The following SHANK2 variants were observed in gnomAD, a reference collection of about 807,000 sequenced individuals.
The protein encoded by SHANK2 is SH3 and multiple ankyrin repeat domains protein 2.
A neutral mutation model predicts 133.7 loss-of-function variants in SHANK2; 43 were observed. That is an observed-to-expected ratio of 0.32 (90% CI 0.25 to 0.41). The LOEUF is 0.41. Ranked by LOEUF, SHANK2 falls within the 10% of genes least tolerant of loss-of-function variation. The pLI is 1.00. For synonymous variants in SHANK2, 1,017 were observed against 952.8 expected (o/e 1.07, Z -1.24); for missense variants, 1,994 against 2,235.8 (o/e 0.89, Z 2.18).
chr11:70,791,287 G>T (rs1947781261), intron 14 of SHANK2, among the ~76,000 whole-genome samples: 1 of 152,160 alleles, frequency 6.6e-6, no homozygotes, highest in Non-Finnish European at 1.5e-5. Flanking sequence ...CAGGGCACAG[G>T]TGTCCCTGCC....
chr11:70,939,698 G>A (rs1950618520), intron 10 of SHANK2, among the ~76,000 whole-genome samples: 1 of 151,992 alleles, frequency 6.6e-6, no homozygotes, highest in Non-Finnish European at 1.5e-5. Flanking sequence ...TCCCCATGAT[G>A]GACCAAGAAA....
chr11:70,705,681 A>G (rs1432661947), intron 14 of SHANK2: 1 of 152,198 alleles, frequency 6.6e-6, no homozygotes, highest in Non-Finnish European at 1.5e-5. Context: ...AAACTTCTTG[A>G]CGTCAAAACC....
At chr11:70,853,130 A>G (rs1426628966) in intron 11 of SHANK2, among the ~76,000 whole-genome samples, 1 of 152,224 alleles carries the variant, frequency 6.6e-6, no homozygotes, top group African/African-American at 2.4e-5. Flanking sequence ...AATCCTTGGC[A>G]GGGTCCTCCT....
chr11:71,108,798 A>G (rs1400444934), intron 6 of SHANK2, among the ~76,000 whole-genome samples: 1 of 152,168 alleles, frequency 6.6e-6, no homozygotes, highest in Admixed American at 6.5e-5. Flanking sequence ...CATCAAAGCT[A>G]CCAGCAGCCA....
chr11:70,893,684 A>G (rs1402568240), intron 11 of SHANK2, among the ~76,000 whole-genome samples: 5 of 152,182 alleles, frequency 3.3e-5, no homozygotes, highest in Non-Finnish European at 7.3e-5. Flanking sequence ...GTAGATGCAC[A>G]AGGAACCGCA....
At chr11:70,896,332 TA>T (rs1196180814) in intron 11 of SHANK2, 168 bp downstream of exon 11, 6 of 565,054 alleles carry the variant, frequency 1.1e-5, no homozygotes, top group Non-Finnish European at 1.6e-5. Flanking sequence ...CACTATAAGT[TA>T]AAAAAAGTTA....
chr11:71,092,133 C>G (rs1951529424), intron 8 of SHANK2, among the ~76,000 whole-genome samples: 1 of 152,252 alleles, frequency 6.6e-6, no homozygotes, highest in Non-Finnish European at 1.5e-5. Context: ...CACCCCATAA[C>G]TGCAGGGCAC....
At chr11:70,937,197 G>A (rs1212550197) in intron 10 of SHANK2, among the ~76,000 whole-genome samples, 14 of 152,286 alleles carry the variant, frequency 9.2e-5, no homozygotes, top group Non-Finnish European at 7.4e-5. Context: ...AAGAGTTTAA[G>A]AGTCACCAAA....
rs377208809 is a variant in SHANK2, at chr11:70,686,535, C to T, written c.1853+12153G>A. 4.9e-4 allele frequency among the ~76,000 whole-genome samples: 75 copies of T among 152,266 alleles called. 1 individual carries two copies. The highest frequency in any genetic ancestry group is 1.7e-3 in the African/African-American group (71 of 41,552). On this transcript the variant is annotated intron_variant, in intron 15 of 25. Coordinates refer to ENST00000601538, the MANE Select transcript of SHANK2 (RefSeq NM_012309.5). Reference sequence around the variant, plus strand: ...TCCATCCATCTTCTCACCTCTCTCTCCACTCAACTCTCCATTCTCTGAGAG... The same window carrying T: ...TCCATCCATCTTCTCACCTCTCTCTTCACTCAACTCTCCATTCTCTGAGAG...
intron 11 of SHANK2, among the ~76,000 whole-genome samples, chr11:70,834,090 C>A (rs2135407475): frequency 6.6e-6 from 1 of 152,364 alleles, no homozygotes; most frequent in African/African-American, 2.4e-5. Flanking sequence ...ATGTAGGAAG[C>A]AATGCCAAGA....
rs141074811 is a variant in SHANK2 at position 70,499,254 on chromosome 11, C to T, written c.2308+1316G>A. 4.9e-4 allele frequency among the ~76,000 whole-genome samples: 75 copies of T among 152,386 alleles called. 1 individual carries two copies. In the South Asian group the frequency reaches 0.015, roughly 30 times the overall value. The stretch of plus-strand genomic sequence containing the variant: ...CCCCCAGTGTGACCAGGCTGGGCCA[C>T]GGCTGCTGGTCCCTTTGGGGTCTTC... On this transcript the variant is annotated intron_variant, in intron 21 of 25. Transcript: ENST00000601538.
At chr11:70,620,255 C>T (rs1554997221) in intron 17 of SHANK2, among the ~76,000 whole-genome samples, 1 of 152,162 alleles carries the variant, frequency 6.6e-6, no homozygotes, top group East Asian at 1.9e-4. Flanking sequence ...TGGGGAGAGG[C>T]CTCTGCATAG....
chr11:71,097,533 G>T (rs1951638984), intron 6 of SHANK2, among the ~76,000 whole-genome samples: 1 of 152,210 alleles, frequency 6.6e-6, no homozygotes, highest in South Asian at 2.1e-4. Context: ...CCCTCAACGT[G>T]AACAACGGGT....
At chr11:71,148,584 G>A (rs1952701139) in intron 2 of SHANK2, among the ~76,000 whole-genome samples, 1 of 152,174 alleles carries the variant, frequency 6.6e-6, no homozygotes, top group Non-Finnish European at 1.5e-5. Flanking sequence ...TGCGTTCTGT[G>A]GGGAAGGACG....
At chr11:71,119,907 T>C (rs1952052249) in intron 3 of SHANK2, among the ~76,000 whole-genome samples, 1 of 152,166 alleles carries the variant, frequency 6.6e-6, no homozygotes, top group Non-Finnish European at 1.5e-5. Context: ...TCAGATTCGG[T>C]GGAAGCCTTG....
intron 12 of SHANK2, among the ~76,000 whole-genome samples, chr11:70,818,481 G>A (rs1393445461): frequency 1.3e-5 from 2 of 152,150 alleles, no homozygotes; most frequent in South Asian, 2.1e-4. Flanking sequence ...CCCTGGCCAC[G>A]CTGCCTTTGC....
At chr11:70,760,777 G>C (rs1296565152) in intron 14 of SHANK2, among the ~76,000 whole-genome samples, 1 of 152,254 alleles carries the variant, frequency 6.6e-6, no homozygotes, top group Non-Finnish European at 1.5e-5. Context: ...CAGTTGCTGA[G>C]GCTGCAGGTA....
intron 14 of SHANK2, among the ~76,000 whole-genome samples, chr11:70,722,013 C>T (rs1460564152): frequency 6.6e-6 from 1 of 152,254 alleles, no homozygotes; most frequent in East Asian, 1.9e-4. Flanking sequence ...AAGGTGACTG[C>T]AGGATCATCC....
intron 11 of SHANK2, among the ~76,000 whole-genome samples, chr11:70,865,403 A>C (rs554517776): frequency 6.6e-6 from 1 of 152,324 alleles, no homozygotes; most frequent in East Asian, 1.9e-4. Context: ...GCAGGGAAAT[A>C]CTATTCTGAA....
Sources: gnomAD v4.1 joint callset for allele counts (sites outside exome capture counted in the v4.1 genomes callset) on GRCh38, gnomAD v4.1.1 for gene constraint, MANE v1.5 for transcripts, NCBI Gene and HGNC (gene_info 2026-07-23, HGNC 2026-07-21) for gene names.